Variants in GRIA4 observed in about 807,000 individuals in gnomAD.
GRIA4 encodes glutamate receptor 4.
Under a neutral mutation model 104.0 loss-of-function variants are expected in GRIA4, and 34 were observed. That is an observed-to-expected ratio of 0.33 (90% CI 0.25 to 0.44). The LOEUF (loss-of-function observed/expected upper bound fraction) is 0.44, where lower values mean the gene tolerates loss of function less well. Among genes scored for constraint, GRIA4 ranks in the 20% least tolerant of loss-of-function variants. GRIA4 has a pLI of 1.00. For missense variants in GRIA4, 750 were observed against 1,096.5 expected (o/e 0.68, Z 4.46); for synonymous variants, 386 against 381.9 (o/e 1.01, Z -0.13).
chr11:105,966,206 A>G, intron 14 of GRIA4: 1 of 600,462 alleles, frequency 1.7e-6, no homozygotes, highest in South Asian at 2.2e-5. Flanking sequence ...GTTACTGTCA[A>G]TGCAAAAATA....
chr11:105,929,020 C>T (rs617950), intron 13 of GRIA4, among the ~76,000 whole-genome samples: 27,084 of 151,926 alleles, frequency 0.18, 2,547 homozygotes, highest in Admixed American at 0.24. Flanking sequence ...ATATAGGTAT[C>T]TATTGTTGCA....
chr11:105,848,534 G>A (rs947672302), intron 4 of GRIA4, among the ~76,000 whole-genome samples: 3 of 152,082 alleles, frequency 2.0e-5, no homozygotes, highest in Non-Finnish European at 4.4e-5. Context: ...ACATTAAAGT[G>A]GGAAAATAAC....
chr11:105,670,548 G>A (rs1415712202), intron 3 of GRIA4, among the ~76,000 whole-genome samples: 1 of 152,084 alleles, frequency 6.6e-6, no homozygotes, highest in African/African-American at 2.4e-5. Context: ...AGTTACAAGT[G>A]CATGCAACAA....
rs751487407 is a variant in GRIA4 at position 105,853,037 on chromosome 11, C to T, written c.488-8987C>T. 3.2e-5 allele frequency among the ~76,000 whole-genome samples: 4 copies of T among 125,412 alleles called. 1 individual carries two copies. Among genetic ancestry groups the T allele is most frequent in the African/African-American group, 1.1e-4 (4 of 36,032 alleles). 82.3% of individuals were successfully genotyped at this position (125,412 alleles called of 152,430 possible). On this transcript the variant is annotated intron_variant, in intron 4 of 16. Transcript: ENST00000282499. ...TGTTGTGTAACACTTCTTTGAGTTT[C>T]GTTGCTAGTGATTGCTTTTATGATT...
chr11:105,807,404 T>C (rs559078844), intron 4 of GRIA4, among the ~76,000 whole-genome samples: 13 of 152,004 alleles, frequency 8.6e-5, no homozygotes, highest in South Asian at 4.1e-4. Context: ...AGAGTCAAGA[T>C]ATAGCAGTAC....
chr11:105,635,357 TAGA>T (rs1951176675), intron 3 of GRIA4, among the ~76,000 whole-genome samples: 2 of 152,146 alleles, frequency 1.3e-5, no homozygotes, highest in South Asian at 2.1e-4. Flanking sequence ...AAGTCAGGAT[TAGA>T]AGAAGAAAGA....
At chr11:105,748,703 A>G (rs1472844393) in intron 3 of GRIA4, among the ~76,000 whole-genome samples, 1 of 152,136 alleles carries the variant, frequency 6.6e-6, no homozygotes, top group African/African-American at 2.4e-5. Context: ...CTTTTGTGAT[A>G]CTTTAATAGT....
chr11:105,974,643 T>C, intron 16 of GRIA4, 199 bp downstream of exon 16: 1 of 1,283,550 alleles, frequency 7.8e-7, no homozygotes, highest in Non-Finnish European at 1.1e-6. Flanking sequence ...GTGGTATTGC[T>C]TGCTTCTAAT....
chr11:105,656,585 C>A (rs1429366725), intron 3 of GRIA4, among the ~76,000 whole-genome samples: 1 of 152,040 alleles, frequency 6.6e-6, no homozygotes, highest in Non-Finnish European at 1.5e-5. Context: ...AGAGAACAGG[C>A]AACCTACAGA....
intron 14 of GRIA4, among the ~76,000 whole-genome samples, chr11:105,940,826 T>A (rs3802795): frequency 0.63 from 94,915 of 150,946 alleles, 29,921 homozygotes; most frequent in Middle Eastern, 0.69. Flanking sequence ...ACATTTAATT[T>A]AAAAAAAAGA....
intron 4 of GRIA4, among the ~76,000 whole-genome samples, chr11:105,848,823 G>T (rs576387978): frequency 6.6e-4 from 101 of 152,274 alleles, no homozygotes; most frequent in African/African-American, 2.3e-3. Context: ...TGAAGATGTG[G>T]TTGTGTGGAG....
chr11:105,693,263 C>G (rs755061173), intron 3 of GRIA4, among the ~76,000 whole-genome samples: 8 of 152,306 alleles, frequency 5.3e-5, no homozygotes, highest in Middle Eastern at 3.4e-3. Context: ...TAGTTCTTAT[C>G]TAGCACTCCA....
At chr11:105,694,731 G>A (rs895303958) in intron 3 of GRIA4, among the ~76,000 whole-genome samples, 115 of 152,034 alleles carry the variant, frequency 7.6e-4, no homozygotes, top group African/African-American at 2.6e-3. Flanking sequence ...ATGTTTTTTA[G>A]AATGTTTTGT....
intron 3 of GRIA4, among the ~76,000 whole-genome samples, chr11:105,676,120 G>A (rs896789860): frequency 9.9e-5 from 15 of 151,834 alleles, no homozygotes; most frequent in African/African-American, 3.4e-4. Flanking sequence ...TTTTTTAATT[G>A]TAGTGTGTAA....
intron 3 of GRIA4, among the ~76,000 whole-genome samples, chr11:105,693,257 T>A (rs2135500279): frequency 6.6e-6 from 1 of 152,326 alleles, no homozygotes; most frequent in South Asian, 2.1e-4. Flanking sequence ...ATGAAATAGT[T>A]CTTATCTAGC....
intron 3 of GRIA4, among the ~76,000 whole-genome samples, chr11:105,636,712 G>C (rs146629556): frequency 6.6e-6 from 1 of 152,164 alleles, no homozygotes; most frequent in African/African-American, 2.4e-5. Flanking sequence ...GGAAAAAAAG[G>C]ATGCTTATTT....
chr11:105,890,132 C>G (rs917500076), intron 6 of GRIA4, among the ~76,000 whole-genome samples: 3 of 152,154 alleles, frequency 2.0e-5, no homozygotes, highest in African/African-American at 7.2e-5. Flanking sequence ...AAAAAGAGAA[C>G]AATGAAATTC....
chr11:105,732,482 G>A (rs1292818946), intron 3 of GRIA4, among the ~76,000 whole-genome samples: 1 of 152,148 alleles, frequency 6.6e-6, no homozygotes, highest in Admixed American at 6.5e-5. Flanking sequence ...TTAGGGAGAA[G>A]TGTGGTCTGC....
chr11:105,791,142 A>G (rs1231092471), intron 4 of GRIA4, among the ~76,000 whole-genome samples: 1 of 152,000 alleles, frequency 6.6e-6, no homozygotes, highest in Non-Finnish European at 1.5e-5. Flanking sequence ...TTTTCCCCCT[A>G]AATTGGCTCA....
Sources: allele counts gnomAD v4.1 joint callset (sites outside exome capture counted in the v4.1 genomes callset), GRCh38; gene constraint gnomAD v4.1.1; transcripts MANE v1.5; gene names NCBI Gene and HGNC (gene_info 2026-07-23, HGNC 2026-07-21).